The following CLEC16A variants were observed in gnomAD, a reference collection of about 807,000 sequenced individuals.
The protein encoded by CLEC16A is protein CLEC16A.
Under a neutral mutation model 109.5 loss-of-function variants are expected in CLEC16A, and 51 were observed. The observed-to-expected ratio is 0.47, with a 90% CI of 0.37 to 0.59. The LOEUF is 0.59. Among genes scored for constraint, CLEC16A ranks in the 20% least tolerant of loss-of-function variants. The pLI is 0.00. For synonymous variants in CLEC16A, 673 were observed against 564.2 expected, an observed-to-expected ratio of 1.19 and a Z score of -2.73; for missense variants, 1,339 against 1,394.0, an observed-to-expected ratio of 0.96 and a Z score of 0.63.
chr16:10,973,168 G>T lies in CLEC16A; in HGVS notation c.728+107G>T. 7 of 1,268,242 alleles carry T rather than the reference G, an allele frequency of 5.5e-6. No individual in the cohort carries two copies. In the East Asian group the frequency reaches 1.3e-4, roughly 24 times the overall value. The allele number at this position is 1,268,242 out of a possible 1,614,324, so 78.6% of individuals were successfully genotyped here. On this transcript the variant is annotated intron_variant, in intron 7 of 23. Transcript: ENST00000409790. ...ACAAGAACCGCACTTCCCTACCTCT[G>T]TGTAGGCAGAGCATGGACTTCCGTA...
intron 22 of CLEC16A, among the ~76,000 whole-genome samples, chr16:11,130,428 G>A (rs78566879): frequency 3.6e-4 from 54 of 152,064 alleles, no homozygotes; most frequent in Admixed American, 1.2e-3. Context: ...AGCATCCCTC[G>A]GCTAAATTTC....
rs769240642 is a variant in CLEC16A, at chr16:10,944,795, C to A, written c.78C>A (p.Leu26=). ...TSRNIHSLDH[L]KYLYHVLTKN... Reference sequence around the variant, plus strand: ...GCAACATCCACTCCTTGGACCACCTCAAGTGAGTGTGGGGGGCGTAGCGGG... The same window carrying A: ...GCAACATCCACTCCTTGGACCACCTAAAGTGAGTGTGGGGGGCGTAGCGGG... The change falls in exon 1 of 24, where the codon CTC becomes CTA. Residue 26 remains leucine, a splice_region_variant and synonymous_variant. Transcript: ENST00000409790. 6.2e-7 allele frequency: 1 copy of A among 1,606,912 alleles called. No homozygotes were observed. Among genetic ancestry groups the A allele is most frequent in the Non-Finnish European group, 8.5e-7 (1 of 1,177,080 alleles).
At chr16:11,140,850 A>G (rs2053791983) in intron 22 of CLEC16A, among the ~76,000 whole-genome samples, 1 of 152,214 alleles carries the variant, frequency 6.6e-6, no homozygotes, top group South Asian at 2.1e-4. Context: ...ACCTACCCCT[A>G]GACAACTATG....
intron 19 of CLEC16A, among the ~76,000 whole-genome samples, chr16:11,100,420 A>C (rs2050852066): frequency 6.6e-6 from 1 of 152,244 alleles, no homozygotes; most frequent in Non-Finnish European, 1.5e-5. Context: ...TCCTGCTGTG[A>C]AAGCTGCTGA....
At position 10,961,023 on chromosome 16, in the gene CLEC16A, G is replaced by C. The variant is rs1212103325; in HGVS notation, c.210-1432G>C. On this transcript the variant is annotated intron_variant, in intron 2 of 23. Coordinates refer to ENST00000409790, the MANE Select transcript of CLEC16A (RefSeq NM_015226.3). The surrounding 1 kb of genome is among the most constrained non-coding windows in gnomAD (Gnocchi z 4.3). Reference sequence around the variant, plus strand: ...CCCCTATGGAGTTTTAAAAAATCTAGGTTCATGGATTTTATGCTAGACCTA... The same window carrying C: ...CCCCTATGGAGTTTTAAAAAATCTACGTTCATGGATTTTATGCTAGACCTA... Among the ~76,000 whole-genome samples, 1 of 152,064 alleles carries C rather than the reference G, an allele frequency of 6.6e-6. No homozygotes were observed. The highest frequency in any genetic ancestry group is 2.4e-5 in the African/African-American group (1 of 41,372).
At chr16:10,951,629 A>G (rs1016212025) in intron 1 of CLEC16A, among the ~76,000 whole-genome samples, 2 of 152,218 alleles carry the variant, frequency 1.3e-5, no homozygotes, top group African/African-American at 4.8e-5. Flanking sequence ...CTGGGATTAA[A>G]CGAAGCACTC....
intron 10 of CLEC16A, among the ~76,000 whole-genome samples, chr16:11,000,714 AT>A (rs1222365827): frequency 1.3e-5 from 2 of 152,088 alleles, no homozygotes; most frequent in African/African-American, 4.8e-5. Context: ...TTTATGTGTC[AT>A]TTTTTTGTGG....
chr16:10,969,524 T>A (rs1458533338), intron 4 of CLEC16A, among the ~76,000 whole-genome samples: 3 of 152,298 alleles, frequency 2.0e-5, no homozygotes, highest in African/African-American at 2.4e-5. Flanking sequence ...AAAATGTAAT[T>A]CTTTGTAGAG....
At chr16:11,103,957 C>T (rs1413208915) in intron 19 of CLEC16A, among the ~76,000 whole-genome samples, 1 of 152,188 alleles carries the variant, frequency 6.6e-6, no homozygotes, top group African/African-American at 2.4e-5. Context: ...CTTAGAAGAG[C>T]CTTGAATGCC....
At position 10,973,106 on chromosome 16, in the gene CLEC16A, T is replaced by C. The variant is rs750828707; in HGVS notation, c.728+45T>C. 10 of 1,550,808 alleles carry C rather than the reference T, an allele frequency of 6.4e-6. No homozygotes were observed. The East Asian group carries it at 2.3e-4, about 36-fold the overall frequency. On this transcript the variant is annotated intron_variant, in intron 7 of 23. Transcript: ENST00000409790. ...CCACTCAGTAGATAGACAGGGTGGTTAGGGGAGAATTCTGTTTTCATCAAG... is the reference window on the plus strand; with the variant it reads ...CCACTCAGTAGATAGACAGGGTGGTCAGGGGAGAATTCTGTTTTCATCAAG...
chr16:11,003,196 A>G lies in CLEC16A; in HGVS notation c.1194A>G (p.Glu398=), dbSNP rs760382405. 20 of 1,613,484 alleles carry G rather than the reference A, an allele frequency of 1.2e-5. No homozygotes were observed. The East Asian group carries it at 3.3e-4, about 27-fold the overall frequency. ...QKRPNYKNVG[E]EEDEEKGPTE... is the part of the protein sequence containing the mutation. ...GACCCAACTACAAAAACGTTGGGGA[A>G]GAAGAAGATGAGGAGAAAGGGCCCA... is the stretch of plus-strand genomic sequence containing the variant. The change falls in exon 11 of 24, where the codon GAA becomes GAG. Residue 398 remains glutamate, a synonymous_variant. Transcript: ENST00000409790.
chr16:11,123,048 C>T (rs867927262), intron 20 of CLEC16A, among the ~76,000 whole-genome samples: 4 of 151,716 alleles, frequency 2.6e-5, no homozygotes, highest in South Asian at 2.1e-4. Context: ...GAACTACAAG[C>T]GCACGCCACC....
chr16:11,062,681 C>G (rs1244093658), intron 19 of CLEC16A, among the ~76,000 whole-genome samples: 1 of 152,114 alleles, frequency 6.6e-6, no homozygotes, highest in East Asian at 1.9e-4. Context: ...GTTTCTTTTT[C>G]TGGCCTTATT....
chr16:11,179,570 C>G lies in CLEC16A; in HGVS notation c.*880C>G, dbSNP rs912187367. 6.6e-6 allele frequency: 1 copy of G among 152,232 alleles called. No homozygotes were observed. The highest frequency in any genetic ancestry group is 1.5e-5 in the Non-Finnish European group (1 of 68,050). 9.4% of individuals were successfully genotyped at this position (152,232 alleles called of 1,614,324 possible). ...CCACTCAGGACGCTTCCTCATTTCT[C>G]TTCACCAAAACCAAACAGAGACAGC... On this transcript the variant is annotated 3_prime_UTR_variant, in exon 24 of 24. Coordinates refer to ENST00000409790, the MANE Select transcript of CLEC16A (RefSeq NM_015226.3).
chr16:11,025,242 A>G (rs567561216), intron 13 of CLEC16A, among the ~76,000 whole-genome samples: 1 of 152,172 alleles, frequency 6.6e-6, no homozygotes, highest in Non-Finnish European at 1.5e-5. Flanking sequence ...TTAGCGTCTG[A>G]CCTCTTTCCT....
chr16:11,168,340 A>T (rs2068360358), intron 23 of CLEC16A, among the ~76,000 whole-genome samples: 1 of 152,166 alleles, frequency 6.6e-6, no homozygotes, highest in Non-Finnish European at 1.5e-5. Context: ...GTGGCTATTA[A>T]CTTGGCTGTC....
chr16:11,112,486 C>A (rs950499055), intron 19 of CLEC16A, among the ~76,000 whole-genome samples: 4 of 116,358 alleles, frequency 3.4e-5, no homozygotes, highest in African/African-American at 1.5e-4. Flanking sequence ...TAGCAAGATC[C>A]TATCTCTACA....
chr16:10,967,067 C>T lies in CLEC16A; in HGVS notation c.344-2094C>T, dbSNP rs577706231. On this transcript the variant is annotated intron_variant, in intron 3 of 23. Coordinates refer to ENST00000409790, the MANE Select transcript of CLEC16A (RefSeq NM_015226.3). ...CTGCCTCAGTAGTGTTATGAGCAGG[C>T]GATTTTGAAAACTGCTCTTCTAAGA... 1.9e-4 allele frequency among the ~76,000 whole-genome samples: 29 copies of T among 152,252 alleles called. No individual in the cohort carries two copies. The South Asian group carries it at 5.4e-3, about 28-fold the overall frequency.
chr16:11,000,211 G>C (rs2044587873), intron 10 of CLEC16A, among the ~76,000 whole-genome samples: 1 of 152,202 alleles, frequency 6.6e-6, no homozygotes, highest in Admixed American at 6.5e-5. Flanking sequence ...TTTAGAACAG[G>C]AACCTGAGGC....
Sources: allele counts gnomAD v4.1 joint callset (sites outside exome capture counted in the v4.1 genomes callset), GRCh38; gene constraint gnomAD v4.1.1; non-coding constraint Gnocchi (gnomAD v3.1); transcripts MANE v1.5; gene names NCBI Gene and HGNC (gene_info 2026-07-23, HGNC 2026-07-21).